Variants in MYO9B observed in about 807,000 individuals in gnomAD.
MYO9B encodes the protein unconventional myosin-IXb.
A neutral mutation model predicts 229.5 loss-of-function variants in MYO9B; 71 were observed. That is an observed-to-expected ratio of 0.31 (90% CI 0.26 to 0.38). The LOEUF (loss-of-function observed/expected upper bound fraction) is 0.38, where lower values mean the gene tolerates loss of function less well. Among genes scored for constraint, MYO9B ranks in the 10% least tolerant of loss-of-function variants. The pLI is 1.00. For synonymous variants in MYO9B, 1,185 were observed against 1,235.8 expected, an observed-to-expected ratio of 0.96 and a Z score of 0.86; for missense variants, 2,255 against 2,920.5, an observed-to-expected ratio of 0.77 and a Z score of 5.25.
chr19:17,081,504 G>A (rs1417776971), intron 1 of MYO9B, among the ~76,000 whole-genome samples: 1 of 152,074 alleles, frequency 6.6e-6, no homozygotes, highest in African/African-American at 2.4e-5. Context: ...CATACATTCA[G>A]GGGTGACTAA....
rs935105665 is a variant in MYO9B at position 17,167,869 on chromosome 19, T to C, written c.1672-74T>C. ...TTTCGGATTAGGGATACTCGACCTG[T>C]ATGCAATATATGTTATGTAGATATT... On this transcript the variant is annotated intron_variant, in intron 10 of 39. Transcript: ENST00000682292. 9 of 1,520,370 alleles carry C rather than the reference T, an allele frequency of 5.9e-6. No individual in the cohort carries two copies. The African/African-American group carries it at 6.9e-5, about 12-fold the overall frequency. 94.2% of individuals were successfully genotyped at this position (1,520,370 alleles called of 1,614,324 possible).
At chr19:17,157,309 C>T (rs1039203075) in intron 7 of MYO9B, 2 of 348,018 alleles carry the variant, frequency 5.7e-6, no homozygotes, top group African/African-American at 4.2e-5. Context: ...AATCCCAGTA[C>T]TTTGGGAGGC....
At chr19:17,206,225 G>GTGCCCCCCCCCCCCCC in intron 32 of MYO9B, 23 bp from the exon 33 acceptor site, 3 of 1,564,664 alleles carry the variant, frequency 1.9e-6, no homozygotes, top group Non-Finnish European at 2.6e-6. Flanking sequence ...CCGCTCACCA[G>GTGCCCCCCCCCCCCCC]ACCCACCCCA....
chr19:17,082,686 G>T (rs1009290267), intron 1 of MYO9B, among the ~76,000 whole-genome samples: 1 of 152,158 alleles, frequency 6.6e-6, no homozygotes, highest in East Asian at 1.9e-4. Flanking sequence ...GTCTTGTCAC[G>T]TGGAGATGCT....
chr19:17,184,942 C>T lies in MYO9B; in HGVS notation c.2451C>T (p.His817=), dbSNP rs779345851. The change falls in exon 17 of 40, where the codon CAC becomes CAT. Residue 817 remains histidine, a synonymous_variant. Coordinates refer to ENST00000682292, the MANE Select transcript of MYO9B (RefSeq NM_004145.4). ...LHDRTTKSLL[H]LHKKKKPPSI... is the part of the protein sequence containing the mutation. Reference sequence around the variant, plus strand: ...ACCGCACCACCAAGTCCCTACTGCACCTGCACAAGAAGAAAAAGCCACCAA... The same window carrying T: ...ACCGCACCACCAAGTCCCTACTGCATCTGCACAAGAAGAAAAAGCCACCAA... The T allele has an allele frequency of 6.2e-7, 1 of 1,613,962 alleles. No individual in the cohort carries two copies. The highest frequency in any genetic ancestry group is 1.1e-5 in the South Asian group (1 of 91,088).
chr19:17,192,023 C>A (rs547847930), intron 20 of MYO9B, among the ~76,000 whole-genome samples: 3 of 152,044 alleles, frequency 2.0e-5, no homozygotes, highest in South Asian at 4.1e-4. Context: ...GTGGTGTGAT[C>A]TCAGCTCACT....
intron 1 of MYO9B, among the ~76,000 whole-genome samples, chr19:17,096,843 C>A (rs2057697460): frequency 6.6e-6 from 1 of 150,988 alleles, no homozygotes; most frequent in African/African-American, 2.4e-5. Flanking sequence ...GTAGCTGGGA[C>A]TACAGGCGCC....
chr19:17,193,167 A>T lies in MYO9B; in HGVS notation c.3128+105A>T, dbSNP rs946658798. On this transcript the variant is annotated intron_variant, in intron 21 of 39. Transcript: ENST00000682292. This position sits in a 1 kb window ranked among gnomAD's most constrained non-coding sequence, Gnocchi z 4.3. ...CCATCTGGCCTGTGGCACTAAGGGG[A>T]TGTCATTCTGGACACAGGGAAAGGC... 1.7e-5 allele frequency: 21 copies of T among 1,251,268 alleles called. No homozygotes were observed. In the African/African-American group the frequency reaches 2.6e-4, roughly 15 times the overall value. The allele number at this position is 1,251,268 out of a possible 1,614,324, so 77.5% of individuals were successfully genotyped here.
chr19:17,199,517 T>G (rs1206597243), intron 24 of MYO9B, among the ~76,000 whole-genome samples: 4 of 152,130 alleles, frequency 2.6e-5, no homozygotes, highest in Non-Finnish European at 2.9e-5. Flanking sequence ...TTGTTTGTTT[T>G]TTTTTTGAGA....
In MYO9B at chr19:17,211,720, T is replaced by A. The variant is rs780640679; in HGVS notation, c.6004T>A (p.Ser2002Thr). 18 of 1,611,752 alleles carry A rather than the reference T, an allele frequency of 1.1e-5. No homozygotes were observed. The highest frequency in any genetic ancestry group is 1.4e-5 in the Non-Finnish European group (17 of 1,179,410). The change falls in exon 39 of 40, where the codon TCG (serine) becomes ACG (threonine). Residue 2002 changes from serine to threonine, a missense_variant. By Grantham distance (58) the Ser-to-Thr change is moderately conservative (BLOSUM62 1). Transcript: ENST00000682292. ...CGAGGAGAACCTGGACTCGGAGACG[T>A]CGGCCAGCACCGAGAGCCTGCTGGA... Reference protein sequence around the residue: ...SDEENLDSETSASTESLLEER... With the variant: ...SDEENLDSETTASTESLLEER...
At chr19:17,129,678 A>C (rs113838368) in intron 2 of MYO9B, among the ~76,000 whole-genome samples, 4 of 152,346 alleles carry the variant, frequency 2.6e-5, no homozygotes, top group African/African-American at 9.6e-5. Context: ...TGCTTCTTAA[A>C]GGAATGCGAG....
intron 15 of MYO9B, among the ~76,000 whole-genome samples, chr19:17,183,113 G>T (rs2072879800): frequency 1.3e-5 from 2 of 152,004 alleles, no homozygotes. Context: ...GTAGAGACAG[G>T]GTTTCACCAT....
intron 1 of MYO9B, among the ~76,000 whole-genome samples, chr19:17,088,586 A>G (rs760519890): frequency 2.0e-5 from 3 of 152,218 alleles, no homozygotes; most frequent in Admixed American, 6.5e-5. Flanking sequence ...AATGATGCCC[A>G]CCAATTCCTG....
At chr19:17,112,712 C>G (rs2057859882) in intron 2 of MYO9B, among the ~76,000 whole-genome samples, 1 of 152,212 alleles carries the variant, frequency 6.6e-6, no homozygotes, top group Non-Finnish European at 1.5e-5. Context: ...GAATTGTGCA[C>G]CAGCCACACA....
At chr19:17,211,108 A>C (rs2073223965) in intron 38 of MYO9B, among the ~76,000 whole-genome samples, 1 of 148,462 alleles carries the variant, frequency 6.7e-6, no homozygotes, top group African/African-American at 2.5e-5. Flanking sequence ...TCAGCCTCCG[A>C]GTAGCTGGGA....
intron 2 of MYO9B, among the ~76,000 whole-genome samples, chr19:17,132,178 C>CTTTTTTTT (rs60927116): frequency 2.3e-4 from 18 of 78,446 alleles, no homozygotes; most frequent in African/African-American, 2.8e-4. Flanking sequence ...TATTTTATTT[C>CTTTTTTTT]TTTTTTTTTT....
chr19:17,182,045 G>A (rs1416213152), intron 15 of MYO9B, among the ~76,000 whole-genome samples: 1 of 151,278 alleles, frequency 6.6e-6, no homozygotes, highest in Admixed American at 6.6e-5. Context: ...CCAAAGTGCT[G>A]GGATTACAGG....
intron 2 of MYO9B, among the ~76,000 whole-genome samples, chr19:17,103,980 C>T (rs911835053): frequency 4.0e-5 from 6 of 150,826 alleles, no homozygotes; most frequent in Non-Finnish European, 5.9e-5. Context: ...CGCTTGAACC[C>T]GGTAGGTGGA....
At chr19:17,198,734 C>CAA (rs59292415) in intron 24 of MYO9B, among the ~76,000 whole-genome samples, 659 of 38,902 alleles carry the variant, frequency 0.017, 14 homozygotes, top group African/African-American at 0.043. Context: ...GACTCCGTCT[C>CAA]AAAAAAAAAA....
Sources: allele counts gnomAD v4.1 joint callset (sites outside exome capture counted in the v4.1 genomes callset), GRCh38; gene constraint gnomAD v4.1.1; non-coding constraint Gnocchi (gnomAD v3.1); transcripts MANE v1.5; gene names NCBI Gene and HGNC (gene_info 2026-07-23, HGNC 2026-07-21).